APBA1: variants seen among roughly 807,000 people sequenced by gnomAD.
The protein encoded by APBA1 is amyloid beta precursor protein binding family A member 1.
In APBA1, 55 loss-of-function variants were observed where a neutral mutation model predicts 86.6. That is an observed-to-expected ratio of 0.64 (90% confidence interval 0.51 to 0.80). The LOEUF (loss-of-function observed/expected upper bound fraction) is 0.80, where lower values mean the gene tolerates loss of function less well. Ranked by LOEUF, APBA1 falls within the 30% of genes least tolerant of loss-of-function variation. The probability of loss-of-function intolerance (pLI) is 0.00; values close to 1 mark genes in which losing one functional copy is unlikely to be tolerated. For missense variants in APBA1, 1,090 were observed against 1,183.0 expected (o/e 0.92, Z 1.15); for synonymous variants, 511 against 493.9 (o/e 1.03, Z -0.46).
At chr9:69,465,709 G>A (rs567077907) in intron 5 of APBA1, among the ~76,000 whole-genome samples, 11 of 152,200 alleles carry the variant, frequency 7.2e-5, no homozygotes, top group African/African-American at 1.9e-4. Context: ...CTGTCTCCAC[G>A]GAGTTGTCCT....
chr9:69,564,862 G>C (rs1442104625), intron 1 of APBA1, among the ~76,000 whole-genome samples: 2 of 152,100 alleles, frequency 1.3e-5, no homozygotes, highest in African/African-American at 2.4e-5. Context: ...GCAGATACTT[G>C]TATATCAGTG....
intron 4 of APBA1, among the ~76,000 whole-genome samples, chr9:69,470,416 T>C (rs2133831870): frequency 6.6e-6 from 1 of 152,332 alleles, no homozygotes; most frequent in African/African-American, 2.4e-5. Context: ...AGGCTAATGC[T>C]GAGCCTGAAA....
chr9:69,670,053 G>A (rs184392763), intron 1 of APBA1, among the ~76,000 whole-genome samples: 1 of 152,216 alleles, frequency 6.6e-6, no homozygotes, highest in African/African-American at 2.4e-5. Context: ...AAATAAGAGA[G>A]TAAAGAACTA....
intron 2 of APBA1, among the ~76,000 whole-genome samples, chr9:69,488,689 C>G (rs1388460404): frequency 6.6e-6 from 1 of 152,162 alleles, no homozygotes; most frequent in Non-Finnish European, 1.5e-5. Flanking sequence ...GGCCAGAAAC[C>G]CTTCTAGTGG....
In APBA1 at chr9:69,581,578, G is replaced by T. The variant is rs80257591; in HGVS notation, c.-69-64299C>A. On this transcript the variant is annotated intron_variant, in intron 1 of 12. Coordinates refer to ENST00000265381, the MANE Select transcript of APBA1 (RefSeq NM_001163.4). ...TTTGGTTTCAGGATAAGAAGGCAGA[G>T]ACATGACTAGCCTAGAACAGTATCG... Among the ~76,000 whole-genome samples the T allele has an allele frequency of 3.9e-3, 596 of 152,298 alleles. 2 individuals are homozygous for T. Among genetic ancestry groups the T allele is most frequent in the African/African-American group, 0.014 (566 of 41,574 alleles).
chr9:69,648,496 G>T (rs1344249464), intron 1 of APBA1, among the ~76,000 whole-genome samples: 1 of 152,048 alleles, frequency 6.6e-6, no homozygotes, highest in East Asian at 1.9e-4. Context: ...TTATACTTTG[G>T]TAAGCCATAG....
At chr9:69,641,154 T>G (rs1823280456) in intron 1 of APBA1, among the ~76,000 whole-genome samples, 1 of 152,132 alleles carries the variant, frequency 6.6e-6, no homozygotes, top group South Asian at 2.1e-4. Flanking sequence ...CAATGACATT[T>G]TAATATACTA....
intron 1 of APBA1, among the ~76,000 whole-genome samples, chr9:69,667,640 CT>C (rs1823866833): frequency 6.6e-6 from 1 of 150,778 alleles, no homozygotes; most frequent in Non-Finnish European, 1.5e-5. Context: ...TTTTCAATCT[CT>C]TTTTCCCTCA....
At chr9:69,656,939 G>A (rs1240716597) in intron 1 of APBA1, among the ~76,000 whole-genome samples, 2 of 149,076 alleles carry the variant, frequency 1.3e-5, no homozygotes, top group East Asian at 2.0e-4. Context: ...TCCGCTTCCC[G>A]GGTTCACGCC....
At chr9:69,521,825 C>T (rs931671178) in intron 1 of APBA1, among the ~76,000 whole-genome samples, 2 of 151,774 alleles carry the variant, frequency 1.3e-5, no homozygotes, top group African/African-American at 4.8e-5. Flanking sequence ...GCAGGTGTGG[C>T]GTGAGTAAGG....
chr9:69,515,851 T>C lies in APBA1; in HGVS notation c.1200+160A>G, dbSNP rs371877777. Among the ~76,000 whole-genome samples the C allele has an allele frequency of 3.5e-4, 54 of 152,230 alleles. No individual in the cohort carries two copies. The East Asian group carries it at 8.5e-3, about 24-fold the overall frequency. On this transcript the variant is annotated intron_variant, in intron 2 of 12. Coordinates refer to ENST00000265381, the MANE Select transcript of APBA1 (RefSeq NM_001163.4). ...TTCTCTCCCGCTGGCGTTTGACAGTTTAGGTGCAAGCTGTTTCTGAGGCTT... is the reference window on the plus strand; with the variant it reads ...TTCTCTCCCGCTGGCGTTTGACAGTCTAGGTGCAAGCTGTTTCTGAGGCTT...
rs753114809 is a variant in APBA1 at position 69,516,590 on chromosome 9, C to G, written c.621G>C (p.Leu207=). ...AGAGCCGCAGGCCGTCGCGTGCGTC[C>G]AGCTCGGGCGCGTCCCCTATCTCCT... ...VYEEIGDAPE[L]DARDGLRLYE... Residue 207 remains leucine (L), a synonymous_variant, in exon 2 of 13, where the codon CTG becomes CTC. Transcript: ENST00000265381. The surrounding 1 kb of genome is among the most constrained non-coding windows in gnomAD (Gnocchi z 7.3). The G allele has an allele frequency of 1.2e-6, 2 of 1,603,494 alleles. No individual in the cohort carries two copies. Among genetic ancestry groups the G allele is most frequent in the East Asian group, 4.5e-5 (2 of 44,794 alleles).
intron 2 of APBA1, among the ~76,000 whole-genome samples, chr9:69,501,174 CA>C (rs1835874477): frequency 6.6e-6 from 1 of 152,046 alleles, no homozygotes; most frequent in Non-Finnish European, 1.5e-5. Context: ...TGGAACTCTT[CA>C]GGGGAGTGAA....
intron 1 of APBA1, among the ~76,000 whole-genome samples, chr9:69,644,368 A>T (rs1328566285): frequency 6.6e-6 from 1 of 152,170 alleles, no homozygotes; most frequent in Non-Finnish European, 1.5e-5. Flanking sequence ...TGTCCCATGG[A>T]GGGGCATTTC....
chr9:69,645,615 C>T (rs1823375747), intron 1 of APBA1, among the ~76,000 whole-genome samples: 1 of 152,112 alleles, frequency 6.6e-6, no homozygotes, highest in African/African-American at 2.4e-5. Flanking sequence ...TGCACGGAGG[C>T]GGACTGGGAG....
At chr9:69,431,665 C>T (rs1049144627) in intron 12 of APBA1, among the ~76,000 whole-genome samples, 3 of 152,264 alleles carry the variant, frequency 2.0e-5, no homozygotes, top group Non-Finnish European at 4.4e-5. Context: ...CTCGCTCTCA[C>T]CAGACCCTAC....
chr9:69,500,351 T>C (rs1422341965), intron 2 of APBA1, among the ~76,000 whole-genome samples: 1 of 152,130 alleles, frequency 6.6e-6, no homozygotes, highest in East Asian at 1.9e-4. Flanking sequence ...CACATTTCCA[T>C]ATAGGACTCG....
intron 1 of APBA1, among the ~76,000 whole-genome samples, chr9:69,613,734 C>T (rs1277054676): frequency 6.6e-6 from 1 of 152,144 alleles, no homozygotes; most frequent in Non-Finnish European, 1.5e-5. Context: ...CTCCATGTAA[C>T]CAGGAAACTT....
At chr9:69,622,592 G>A (rs1420017014) in intron 1 of APBA1, among the ~76,000 whole-genome samples, 5 of 141,276 alleles carry the variant, frequency 3.5e-5, no homozygotes, top group Non-Finnish European at 7.8e-5. Context: ...AAAAAAAAAA[G>A]AAACAAAGAA....
Sources: allele counts gnomAD v4.1 joint callset (sites outside exome capture counted in the v4.1 genomes callset), GRCh38; gene constraint gnomAD v4.1.1; non-coding constraint Gnocchi (gnomAD v3.1); transcripts MANE v1.5; gene names NCBI Gene and HGNC (gene_info 2026-07-23, HGNC 2026-07-21).